Variants in MIR2052HG observed in about 807,000 individuals in gnomAD.
The protein encoded by MIR2052HG is MIR2052 host gene.
At chr8:74,721,341 T>C (rs900777808) in intron 4 of MIR2052HG, among the ~76,000 whole-genome samples, 1 of 152,222 alleles carries the variant, frequency 6.6e-6, no homozygotes, top group African/African-American at 2.4e-5. Flanking sequence ...TATTGCTGCA[T>C]GACAAATGAC....
intron 4 of MIR2052HG, among the ~76,000 whole-genome samples, chr8:74,708,826 TA>T: frequency 6.6e-6 from 1 of 151,252 alleles, no homozygotes; most frequent in Non-Finnish European, 1.5e-5. Flanking sequence ...AAATTAAAAT[TA>T]AAAATTTAAA....
At chr8:74,621,132 T>C (rs1302952579) in intron 2 of MIR2052HG, among the ~76,000 whole-genome samples, 2 of 152,222 alleles carry the variant, frequency 1.3e-5, no homozygotes, top group African/African-American at 4.8e-5. Flanking sequence ...TCATTGTCCA[T>C]ATTGCTGTCA....
intron 2 of MIR2052HG, among the ~76,000 whole-genome samples, chr8:74,681,720 T>G (rs1809127316): frequency 6.6e-6 from 1 of 152,156 alleles, no homozygotes; most frequent in African/African-American, 2.4e-5. Context: ...TCACATAATA[T>G]TCTGCCATGG....
chr8:74,660,378 AC>A (rs1442017527), intron 2 of MIR2052HG, among the ~76,000 whole-genome samples: 1 of 152,122 alleles, frequency 6.6e-6, no homozygotes, highest in East Asian at 1.9e-4. Flanking sequence ...GACCACTCAA[AC>A]CTATGACTAG....
At chr8:74,724,450 A>T (rs75685286) in intron 4 of MIR2052HG, among the ~76,000 whole-genome samples, 1 of 152,176 alleles carries the variant, frequency 6.6e-6, no homozygotes, top group East Asian at 1.9e-4. Context: ...ATCTGAATTA[A>T]ATGAGAGAAA....
chr8:74,608,127 G>A (rs1808138768), intron 1 of MIR2052HG, among the ~76,000 whole-genome samples: 1 of 152,264 alleles, frequency 6.6e-6, no homozygotes, highest in East Asian at 1.9e-4. Context: ...AAATTTCATA[G>A]CAGGCATATT....
At chr8:74,674,714 C>T (rs115124381) in intron 2 of MIR2052HG, among the ~76,000 whole-genome samples, 2,195 of 151,922 alleles carry the variant, frequency 0.014, 55 homozygotes, top group African/African-American at 0.047. Context: ...TAGACCATAA[C>T]TAAGGGTTCA....
intron 2 of MIR2052HG, among the ~76,000 whole-genome samples, chr8:74,687,908 G>C (rs1254777493): frequency 4.6e-5 from 7 of 152,102 alleles, no homozygotes; most frequent in Admixed American, 4.6e-4. Flanking sequence ...TTGTGGTGGT[G>C]TTATCACTGG....
intron 2 of MIR2052HG, among the ~76,000 whole-genome samples, chr8:74,673,887 G>GTATATATATATATA (rs61228134): frequency 1.3e-3 from 153 of 121,654 alleles, no homozygotes; most frequent in Middle Eastern, 3.8e-3. Context: ...GTATTTTTTT[G>GTATATATATATATA]TATATATATA....
chr8:74,602,876 T>TCTTTCTTTC (rs1554570015), intron 1 of MIR2052HG, among the ~76,000 whole-genome samples: 178 of 136,992 alleles, frequency 1.3e-3, no homozygotes, highest in Middle Eastern at 3.8e-3. Context: ...TTTCTTTCTT[T>TCTTTCTTTC]TTTCTATTCA....
intron 4 of MIR2052HG, among the ~76,000 whole-genome samples, chr8:74,719,852 T>TTTC (rs1478822396): frequency 7.7e-6 from 1 of 130,474 alleles, no homozygotes; most frequent in East Asian, 2.1e-4. Flanking sequence ...CTTTTTTCTT[T>TTTC]TTTTTTTTTT....
At chr8:74,706,623 G>A (rs1809413809) in intron 4 of MIR2052HG, among the ~76,000 whole-genome samples, 1 of 151,976 alleles carries the variant, frequency 6.6e-6, no homozygotes, top group African/African-American at 2.4e-5. Flanking sequence ...TCATTTGCTG[G>A]CAACGAGAGC....
chr8:74,734,325 CAT>C (rs1399959690), intron 4 of MIR2052HG, among the ~76,000 whole-genome samples: 4 of 152,196 alleles, frequency 2.6e-5, no homozygotes, highest in Admixed American at 6.5e-5. Context: ...ACTGATCTAA[CAT>C]ATGCACAGTT....
intron 1 of MIR2052HG, among the ~76,000 whole-genome samples, chr8:74,601,670 T>A (rs769508104): frequency 6.6e-6 from 1 of 152,200 alleles, no homozygotes; most frequent in Non-Finnish European, 1.5e-5. Flanking sequence ...TCATAGCATA[T>A]TTTAGGATAA....
chr8:74,602,475 A>T (rs1808014779), intron 1 of MIR2052HG, among the ~76,000 whole-genome samples: 1 of 149,784 alleles, frequency 6.7e-6, no homozygotes, highest in Non-Finnish European at 1.5e-5. Flanking sequence ...ACCAACAGCT[A>T]CTCTGCCTAT....
At chr8:74,738,104 GT>G (rs1563543482) in intron 4 of MIR2052HG, among the ~76,000 whole-genome samples, 10 of 126,418 alleles carry the variant, frequency 7.9e-5, no homozygotes, top group Non-Finnish European at 1.2e-4. Context: ...GTATGTATCT[GT>G]TATGTATGTA....
At chr8:74,709,277 A>G (rs1809442900) in intron 4 of MIR2052HG, among the ~76,000 whole-genome samples, 1 of 152,154 alleles carries the variant, frequency 6.6e-6, no homozygotes, top group South Asian at 2.1e-4. Context: ...GTATGGAGGA[A>G]GTAAACTCCA....
chr8:74,748,525 A>G (rs1809910301), intron 4 of MIR2052HG, among the ~76,000 whole-genome samples: 1 of 152,168 alleles, frequency 6.6e-6, no homozygotes, highest in African/African-American at 2.4e-5. Flanking sequence ...TTTGTATAAG[A>G]TATTTTTCTG....
chr8:74,606,821 A>G (rs1808118416), intron 1 of MIR2052HG, among the ~76,000 whole-genome samples: 1 of 140,132 alleles, frequency 7.1e-6, no homozygotes, highest in Non-Finnish European at 1.6e-5. Context: ...ACTTAAAATA[A>G]AAGTTTTAAA....
Sources: allele counts gnomAD v4.1 joint callset (sites outside exome capture counted in the v4.1 genomes callset), GRCh38; gene constraint gnomAD v4.1.1; transcripts MANE v1.5; gene names NCBI Gene and HGNC (gene_info 2026-07-23, HGNC 2026-07-21).